PCDHGB2: variants seen among roughly 807,000 people sequenced by gnomAD.
The protein encoded by PCDHGB2 is protocadherin gamma-B2.
PCDHGB2 carries 55 observed loss-of-function variants against 59.3 expected under a neutral mutation model. That is an observed-to-expected ratio of 0.93 (90% CI 0.75 to 1.16). PCDHGB2 has a LOEUF of 1.16. Ranked by LOEUF, PCDHGB2 falls within the 50% of genes most tolerant of loss-of-function variation. The probability of loss-of-function intolerance (pLI) is 0.00; values close to 1 mark genes in which losing one functional copy is unlikely to be tolerated. For missense variants in PCDHGB2, 1,228 were observed against 1,198.5 expected, an observed-to-expected ratio of 1.02 and a Z score of -0.36; for synonymous variants, 516 against 512.0, an observed-to-expected ratio of 1.01 and a Z score of -0.11.
intron 2 of PCDHGB2, among the ~76,000 whole-genome samples, chr5:141,496,582 G>A (rs991035985): frequency 1.9e-4 from 29 of 152,100 alleles, no homozygotes; most frequent in Non-Finnish European, 3.5e-4. Flanking sequence ...TTTTAGGAAC[G>A]CAAAGCGCTT....
At chr5:141,375,248 A>G (rs1487300196) in intron 1 of PCDHGB2, 2 of 1,613,948 alleles carry the variant, frequency 1.2e-6, no homozygotes, top group South Asian at 2.2e-5. Flanking sequence ...CATCCCGAGA[A>G]GTCTCCCATT....
rs951029522 is a variant in PCDHGB2, at chr5:141,487,944, G to A, written c.2422-6863G>A. 6.6e-6 allele frequency among the ~76,000 whole-genome samples: 1 copy of A among 152,164 alleles called. No homozygotes were observed. Among genetic ancestry groups the A allele is most frequent in the Admixed American group, 6.5e-5 (1 of 15,282 alleles). On this transcript the variant is annotated intron_variant, in intron 1 of 3. Transcript: ENST00000522605. The surrounding 1 kb of genome is among the most constrained non-coding windows in gnomAD (Gnocchi z 5.0). ...ACAGTGCACAGGGTACAGTGCACCA[G>A]GCAGTCACTTGGACAAAGGTGGCTG...
At position 141,361,218 on chromosome 5, in the gene PCDHGB2, A is replaced by G. The variant is rs963780957; in HGVS notation, c.1083A>G (p.Pro361=). 5.0e-6 allele frequency: 8 copies of G among 1,613,906 alleles called. No individual in the cohort carries two copies. The highest frequency in any genetic ancestry group is 6.8e-6 in the Non-Finnish European group (8 of 1,179,890). The change falls in exon 1 of 4, where the codon CCA becomes CCG. Residue 361 remains proline (P), a synonymous_variant. Coordinates refer to ENST00000522605, the MANE Select transcript of PCDHGB2 (RefSeq NM_018923.3). ...CTACTCCCCTACCGGAGGATTCGCC[A>G]CCAGGAACAGTGATCGCCTTGATAA... The part of the protein sequence containing the change: ...SVSTPLPEDS[P]PGTVIALIKT...
At chr5:141,376,185 C>A (rs1772389815) in intron 1 of PCDHGB2, 9 of 1,614,158 alleles carry the variant, frequency 5.6e-6, no homozygotes, top group Non-Finnish European at 7.6e-6. Context: ...GCCGCGGTCT[C>A]CTGCGTCTTC....
chr5:141,489,085 G>A lies in PCDHGB2; in HGVS notation c.2422-5722G>A, dbSNP rs1347512723. The A allele has an allele frequency of 2.6e-5, 6 of 230,066 alleles. No homozygotes were observed. The South Asian group carries it at 4.3e-4, about 16-fold the overall frequency. 14.3% of individuals were successfully genotyped at this position (230,066 alleles called of 1,614,324 possible). A position where few individuals can be genotyped will look rare whatever the true frequency, so the allele number is the denominator to read the frequency against. Reference sequence around the variant, plus strand: ...TCCCCCCTGCCCACCCCCGCCACTCGGTGACTAAGAACTGCTGCAAGCAGG... The same window carrying A: ...TCCCCCCTGCCCACCCCCGCCACTCAGTGACTAAGAACTGCTGCAAGCAGG... On this transcript the variant is annotated intron_variant, in intron 1 of 3. Coordinates refer to ENST00000522605, the MANE Select transcript of PCDHGB2 (RefSeq NM_018923.3). The surrounding 1 kb of genome is among the most constrained non-coding windows in gnomAD (Gnocchi z 4.5).
chr5:141,394,321 C>G (rs11575959), intron 1 of PCDHGB2: 43,282 of 1,613,954 alleles, frequency 0.027, 850 homozygotes, highest in African/African-American at 0.092. Flanking sequence ...CCCCTGTCCT[C>G]GTATATCTCC....
At chr5:141,421,388 G>T in intron 1 of PCDHGB2, 17 of 1,614,052 alleles carry the variant, frequency 1.1e-5, no homozygotes, top group Non-Finnish European at 1.4e-5. Flanking sequence ...AAGGACCTGG[G>T]GCTGGAGCCC....
chr5:141,448,515 T>C (rs1158968509), intron 1 of PCDHGB2, among the ~76,000 whole-genome samples: 1 of 152,212 alleles, frequency 6.6e-6, no homozygotes, highest in Non-Finnish European at 1.5e-5. Flanking sequence ...TTTATAACTT[T>C]ATTAAGCATC....
At chr5:141,414,508 C>T in intron 1 of PCDHGB2, 1 of 1,613,970 alleles carries the variant, frequency 6.2e-7, no homozygotes, top group Non-Finnish European at 8.5e-7. Context: ...CTTTATGCTA[C>T]AAGTGGCAGA....
In PCDHGB2 at chr5:141,490,028, G is replaced by A. The variant is rs752883792; in HGVS notation, c.2422-4779G>A. ...GCACCCATTGGTACTCTGCTGCTCC[G>A]CCTCAATGCCACTGATCCAGACGAG... On this transcript the variant is annotated intron_variant, in intron 1 of 3. Coordinates refer to ENST00000522605, the MANE Select transcript of PCDHGB2 (RefSeq NM_018923.3). The surrounding 1 kb of genome is among the most constrained non-coding windows in gnomAD (Gnocchi z 5.4). 20 of 1,614,070 alleles carry A rather than the reference G, an allele frequency of 1.2e-5. 1 individual carries two copies. Among genetic ancestry groups the A allele is most frequent in the South Asian group, 3.3e-5 (3 of 91,090 alleles).
In PCDHGB2 at chr5:141,360,357, T is replaced by A; in HGVS notation, c.222T>A (p.Tyr74Ter). ...RKLRVSAEKE[Y>*]FTVNPESGDL... ...TGCGGGTTAGCGCGGAGAAGGAATA[T>A]TTCACAGTAAACCCAGAAAGCGGAG... Residue 74 changes from tyrosine (Y) to a stop codon, truncating the protein, a stop_gained, in exon 1 of 4, where the codon TAT becomes TAA. Coordinates refer to ENST00000522605, the MANE Select transcript of PCDHGB2 (RefSeq NM_018923.3). LOFTEE classifies it high-confidence loss of function. 1 of 1,613,878 alleles carries A rather than the reference T, an allele frequency of 6.2e-7. No homozygotes were observed. The highest frequency in any genetic ancestry group is 1.3e-5 in the African/African-American group (1 of 75,010).
intron 1 of PCDHGB2, chr5:141,408,786 C>A: frequency 6.2e-7 from 1 of 1,612,430 alleles, no homozygotes; most frequent in Non-Finnish European, 8.5e-7. Flanking sequence ...CCAGAGTTAT[C>A]TCTGGAGAAA....
intron 2 of PCDHGB2, among the ~76,000 whole-genome samples, chr5:141,502,238 T>A (rs2099813398): frequency 6.6e-6 from 1 of 152,204 alleles, no homozygotes; most frequent in Non-Finnish European, 1.5e-5. Flanking sequence ...TGTGTTCTTT[T>A]ATCCTTTTTT....
chr5:141,492,320 G>T (rs1001784912), intron 1 of PCDHGB2, among the ~76,000 whole-genome samples: 1 of 152,206 alleles, frequency 6.6e-6, no homozygotes, highest in Non-Finnish European at 1.5e-5. Context: ...CTCCTCGCAC[G>T]TGGGCTTACG....
chr5:141,389,771 C>G, intron 1 of PCDHGB2: 1 of 1,613,206 alleles, frequency 6.2e-7, no homozygotes, highest in Non-Finnish European at 8.5e-7. Context: ...CAGCGCGTGC[C>G]TTAGGCGACA....
chr5:141,390,098 C>A (rs2092044435), intron 1 of PCDHGB2: 1 of 1,613,924 alleles, frequency 6.2e-7, no homozygotes, highest in Non-Finnish European at 8.5e-7. Context: ...CCGTGGTTCC[C>A]CCCAACTACA....
At chr5:141,374,592 T>C in intron 1 of PCDHGB2, 1 of 1,613,700 alleles carries the variant, frequency 6.2e-7, no homozygotes, top group Admixed American at 1.7e-5. Context: ...CTTCAGGGAT[T>C]TAAGCTCAGT....
Position 141,372,509 on chromosome 5 carries a change from C to T in PCDHGB2, c.2421+9953C>T, listed in dbSNP as rs770630386. 11 of 1,614,056 alleles carry T rather than the reference C, an allele frequency of 6.8e-6. No homozygotes were observed. The South Asian group carries it at 9.9e-5, about 14-fold the overall frequency. On this transcript the variant is annotated intron_variant, in intron 1 of 3. Coordinates refer to ENST00000522605, the MANE Select transcript of PCDHGB2 (RefSeq NM_018923.3). Reference sequence around the variant, plus strand: ...CCTTGATCTCAGTGCTCTTCCTCCTCGCGGTGATTCTGGCAATCTCCCTGC... The same window carrying T: ...CCTTGATCTCAGTGCTCTTCCTCCTTGCGGTGATTCTGGCAATCTCCCTGC...
Position 141,486,407 on chromosome 5 carries a change from C to T in PCDHGB2, c.2422-8400C>T. The T allele has an allele frequency of 6.2e-7, 1 of 1,614,134 alleles. No individual in the cohort carries two copies. Among genetic ancestry groups the T allele is most frequent in the African/African-American group, 1.3e-5 (1 of 75,046 alleles). ...CCAGTTCTCCCTGGTGACTGCTGGA[C>T]CCTTGGATCGAGAGGCCAAATCTAG... On this transcript the variant is annotated intron_variant, in intron 1 of 3. Coordinates refer to ENST00000522605, the MANE Select transcript of PCDHGB2 (RefSeq NM_018923.3). This position sits in a 1 kb window ranked among gnomAD's most constrained non-coding sequence, Gnocchi z 5.0.
Sources: allele counts gnomAD v4.1 joint callset (sites outside exome capture counted in the v4.1 genomes callset), GRCh38; gene constraint gnomAD v4.1.1; non-coding constraint Gnocchi (gnomAD v3.1); transcripts MANE v1.5; gene names NCBI Gene and HGNC (gene_info 2026-07-23, HGNC 2026-07-21).